GPR63: variants seen among roughly 807,000 people sequenced by gnomAD.
The protein encoded by GPR63 is G protein-coupled receptor 63, also known as probable G protein-coupled receptor 63.
In GPR63, 12 loss-of-function variants were observed where a neutral mutation model predicts 23.1. That is an observed-to-expected ratio of 0.52 (90% CI 0.33 to 0.84). The LOEUF (loss-of-function observed/expected upper bound fraction) is 0.84, where lower values mean the gene tolerates loss of function less well. Ranked by LOEUF, GPR63 falls within the 40% of genes least tolerant of loss-of-function variation. The probability of loss-of-function intolerance (pLI) is 0.02; values close to 1 mark genes in which losing one functional copy is unlikely to be tolerated. For synonymous variants in GPR63, 172 were observed against 191.1 expected (o/e 0.90, Z 0.82); for missense variants, 472 against 515.6 (o/e 0.92, Z 0.82).
At chr6:96,803,439 A>G (rs939430895) in intron 1 of GPR63, among the ~76,000 whole-genome samples, 2 of 152,242 alleles carry the variant, frequency 1.3e-5, no homozygotes, top group Admixed American at 1.3e-4. Context: ...TAACAAAGAA[A>G]TTAAACAAAA....
Position 96,798,883 on chromosome 6 carries a change from T to TC in GPR63, c.848_849insG (p.Ile283MetfsTer23). On this transcript the variant is annotated frameshift_variant, in exon 2 of 2. Coordinates refer to ENST00000229955, the MANE Select transcript of GPR63 (RefSeq NM_030784.4). LOFTEE classifies it high-confidence loss of function. ...CCAGTTTGCTGGCCTGGCTGAGGCA[T>TC]ATACCTTCAGGGTAGCTATGGATCC... The TC allele has an allele frequency of 6.2e-7, 1 of 1,614,222 alleles. No homozygotes were observed. The highest frequency in any genetic ancestry group is 8.5e-7 in the Non-Finnish European group (1 of 1,180,050).
intron 1 of GPR63, among the ~76,000 whole-genome samples, chr6:96,817,833 AGGAGTTATG>A (rs1184457250): frequency 6.6e-6 from 1 of 151,938 alleles, no homozygotes; most frequent in African/African-American, 2.4e-5. Flanking sequence ...GGGGAAGAGT[AGGAGTTATG>A]ACTGGGAAAG....
intron 1 of GPR63, among the ~76,000 whole-genome samples, chr6:96,826,923 C>A (rs1013607136): frequency 6.6e-6 from 1 of 151,476 alleles, no homozygotes; most frequent in African/African-American, 2.4e-5. Context: ...TTAAAATGTG[C>A]CGAAGTCAGT....
chr6:96,805,367 C>G (rs1362528253), intron 1 of GPR63, among the ~76,000 whole-genome samples: 1 of 152,142 alleles, frequency 6.6e-6, no homozygotes, highest in Non-Finnish European at 1.5e-5. Flanking sequence ...ACGGGGAGGA[C>G]AGCATCAAGG....
intron 1 of GPR63, among the ~76,000 whole-genome samples, chr6:96,800,748 C>A (rs1316920030): frequency 6.6e-6 from 1 of 151,940 alleles, no homozygotes; most frequent in Non-Finnish European, 1.5e-5. Context: ...CCTCTATTCT[C>A]TTCTCCCTAA....
At chr6:96,828,643 C>A (rs1774503364) in intron 1 of GPR63, among the ~76,000 whole-genome samples, 1 of 148,786 alleles carries the variant, frequency 6.7e-6, no homozygotes, top group Admixed American at 6.7e-5. Context: ...AAAGAAAAAG[C>A]AGAATAGAAA....
intron 1 of GPR63, among the ~76,000 whole-genome samples, chr6:96,833,767 T>G (rs974515999): frequency 6.6e-6 from 1 of 152,180 alleles, no homozygotes; most frequent in African/African-American, 2.4e-5. Flanking sequence ...TTGAAAATGA[T>G]CTAAGAATCA....
At chr6:96,802,395 T>C (rs1336700491) in intron 1 of GPR63, among the ~76,000 whole-genome samples, 2 of 152,088 alleles carry the variant, frequency 1.3e-5, no homozygotes, top group Non-Finnish European at 2.9e-5. Context: ...TCTAAATTTC[T>C]CGTAAAAAAT....
intron 1 of GPR63, among the ~76,000 whole-genome samples, chr6:96,809,996 T>C (rs1431872821): frequency 6.6e-6 from 1 of 152,200 alleles, no homozygotes; most frequent in Non-Finnish European, 1.5e-5. Context: ...TCAATATCTC[T>C]ATTATAGCCT....
intron 1 of GPR63, among the ~76,000 whole-genome samples, chr6:96,805,575 A>G (rs1214502163): frequency 6.6e-6 from 1 of 152,104 alleles, no homozygotes; most frequent in Non-Finnish European, 1.5e-5. Context: ...GGCTCATTAC[A>G]ACTCCCACTC....
intron 1 of GPR63, among the ~76,000 whole-genome samples, chr6:96,827,477 TA>T (rs1173204118): frequency 6.6e-6 from 1 of 152,098 alleles, no homozygotes; most frequent in African/African-American, 2.4e-5. Flanking sequence ...GGATTGTAAA[TA>T]GAAGTTTCCA....
chr6:96,810,226 T>C (rs180855335), intron 1 of GPR63, among the ~76,000 whole-genome samples: 3 of 152,272 alleles, frequency 2.0e-5, no homozygotes, highest in Non-Finnish European at 1.5e-5. Flanking sequence ...TGGGGCGCGG[T>C]GGCTCACACC....
chr6:96,798,759 C>A lies in GPR63; in HGVS notation c.973G>T (p.Val325Phe), dbSNP rs751801260. Residue 325 changes from valine to phenylalanine, a missense_variant, in exon 2 of 2, where the codon GTC (valine) becomes TTC (phenylalanine). Val to Phe is a conservative substitution (Grantham distance 50). Transcript: ENST00000229955. Reference protein sequence around the residue: ...TILILFAVFIVCWAPFTTYSL... With the variant: ...TILILFAVFIFCWAPFTTYSL... ...TAAGTGGTGAATGGGGCCCAGCAGACAATGAAGACAGCAAAGAGAATCAAA... is the reference window on the plus strand; with the variant it reads ...TAAGTGGTGAATGGGGCCCAGCAGAAAATGAAGACAGCAAAGAGAATCAAA... 4.5e-5 allele frequency: 72 copies of A among 1,613,968 alleles called. No homozygotes were observed. Among genetic ancestry groups the A allele is most frequent in the Non-Finnish European group, 6.0e-5 (71 of 1,180,038 alleles).
At chr6:96,824,806 C>T (rs1173162777) in intron 1 of GPR63, among the ~76,000 whole-genome samples, 1 of 152,036 alleles carries the variant, frequency 6.6e-6, no homozygotes, top group African/African-American at 2.4e-5. Context: ...GTTATTGTCC[C>T]CACATAGTAA....
Position 96,797,833 on chromosome 6 carries a change from A to G in GPR63, c.*639T>C, listed in dbSNP as rs1773631309. 1 of 152,290 alleles carries G rather than the reference A, an allele frequency of 6.6e-6. No individual in the cohort carries two copies. Among genetic ancestry groups the G allele is most frequent in the South Asian group, 2.1e-4 (1 of 4,836 alleles). 9.4% of individuals were successfully genotyped at this position (152,290 alleles called of 1,614,324 possible). A position where few individuals can be genotyped will look rare whatever the true frequency, so the allele number is the denominator to read the frequency against. On this transcript the variant is annotated 3_prime_UTR_variant, in exon 2 of 2. Coordinates refer to ENST00000229955, the MANE Select transcript of GPR63 (RefSeq NM_030784.4). Reference sequence around the variant, plus strand: ...CTCTTTTACAACTGTACATGCAGATAAAACATTTCTTAAAACTATCTTCCC... The same window carrying G: ...CTCTTTTACAACTGTACATGCAGATGAAACATTTCTTAAAACTATCTTCCC...
chr6:96,810,938 A>G (rs762906832), intron 1 of GPR63, among the ~76,000 whole-genome samples: 18 of 152,152 alleles, frequency 1.2e-4, no homozygotes, highest in Non-Finnish European at 2.4e-4. Flanking sequence ...GCAAGCTGCA[A>G]CCTATCTTAT....
intron 1 of GPR63, among the ~76,000 whole-genome samples, chr6:96,823,373 GTT>G (rs1405417248): frequency 1.3e-5 from 2 of 152,020 alleles, no homozygotes; most frequent in African/African-American, 2.4e-5. Flanking sequence ...GTAGGCCTAA[GTT>G]ATTGTGTGTG....
At chr6:96,831,715 T>C (rs1053022496) in intron 1 of GPR63, among the ~76,000 whole-genome samples, 15 of 152,070 alleles carry the variant, frequency 9.9e-5, no homozygotes, top group Admixed American at 8.5e-4. Flanking sequence ...AAGACCAGCC[T>C]AACCAACATG....
At chr6:96,835,388 T>C (rs978167184) in intron 1 of GPR63, among the ~76,000 whole-genome samples, 2 of 152,126 alleles carry the variant, frequency 1.3e-5, no homozygotes, top group Non-Finnish European at 2.9e-5. Context: ...AATATAGATA[T>C]ATGTGTGATA....
Sources: allele counts gnomAD v4.1 joint callset (sites outside exome capture counted in the v4.1 genomes callset), GRCh38; gene constraint gnomAD v4.1.1; transcripts MANE v1.5; gene names NCBI Gene and HGNC (gene_info 2026-07-23, HGNC 2026-07-21).